Variants in KIAA2012 observed in about 807,000 individuals in gnomAD.
KIAA2012 encodes the protein uncharacterized protein KIAA2012.
Under a neutral mutation model 150.6 loss-of-function variants are expected in KIAA2012, and 125 were observed. That is an observed-to-expected ratio of 0.83 (90% CI 0.72 to 0.96). The LOEUF is 0.96. Among genes scored for constraint, KIAA2012 ranks in the 40% least tolerant of loss-of-function variants. The pLI is 0.00. For synonymous variants in KIAA2012, 462 were observed against 504.7 expected (o/e 0.92, Z 1.13); for missense variants, 1,219 against 1,354.9 (o/e 0.90, Z 1.57).
chr2:202,077,149 G>C (rs1689343960), intron 2 of KIAA2012: 2 of 429,912 alleles, frequency 4.7e-6, no homozygotes, highest in South Asian at 3.3e-5. Flanking sequence ...GTGTGGTGCT[G>C]GCTTCCTGAT....
At chr2:202,122,746 C>T (rs1173131724) in intron 11 of KIAA2012, among the ~76,000 whole-genome samples, 4 of 152,152 alleles carry the variant, frequency 2.6e-5, no homozygotes, top group Non-Finnish European at 5.9e-5. Context: ...TCAGGTGATC[C>T]ACCTGCCTCG....
rs1689950624 is a variant in KIAA2012 at position 202,098,416 on chromosome 2, C to T, written c.828+839C>T. On this transcript the variant is annotated intron_variant, in intron 5 of 23. Transcript: ENST00000498697. ...AAATACACTGGGGAAGTGCTGCACG[C>T]CTTCTCCTCCTGGAAAGTCACATGT... Among the ~76,000 whole-genome samples the T allele has an allele frequency of 2.0e-5, 3 of 152,232 alleles. No individual in the cohort carries two copies. In the South Asian group the frequency reaches 6.2e-4, roughly 32 times the overall value.
chr2:202,154,727 T>A lies in KIAA2012; in HGVS notation c.1963T>A (p.Cys655Ser), dbSNP rs763723403. The A allele has an allele frequency of 6.5e-6, 10 of 1,550,302 alleles. 1 individual carries two copies. The South Asian group carries it at 8.3e-5, about 13-fold the overall frequency. ...TCAGAAGACAGGAGAGCCTCAAAGT[T>A]GTATAAATAAAGCGCTGATATGTTC... is the stretch of plus-strand genomic sequence containing the variant. ...AAQKTGEPQS[C>S]INKALICSNR... Residue 655 changes from cysteine to serine, a missense_variant, in exon 14 of 24, where the codon TGT becomes AGT. By Grantham distance (112) the Cys-to-Ser change is moderately radical. Transcript: ENST00000498697.
chr2:202,110,349 A>G (rs768720304), intron 10 of KIAA2012, among the ~76,000 whole-genome samples: 3 of 152,242 alleles, frequency 2.0e-5, no homozygotes, highest in Non-Finnish European at 4.4e-5. Context: ...ATACAGAGCA[A>G]TAATGCAAGG....
In KIAA2012 at chr2:202,103,148, G is replaced by A. The variant is rs1575012816; in HGVS notation, c.1324+34G>A. The A allele has an allele frequency of 1.9e-6, 3 of 1,544,732 alleles. No individual in the cohort carries two copies. In the East Asian group the frequency reaches 7.3e-5, roughly 38 times the overall value. ...CGGGTGCATGGGCACTCCTGAGGGA[G>A]AGCCTGGGATGGGGGGTCCTGCCAC... On this transcript the variant is annotated intron_variant, in intron 8 of 23. Coordinates refer to ENST00000498697, the MANE Select transcript of KIAA2012 (RefSeq NM_001277372.4).
At chr2:202,075,320 C>G (rs978857655) in intron 2 of KIAA2012, 145 bp downstream of exon 2, 5 of 953,388 alleles carry the variant, frequency 5.2e-6, no homozygotes, top group Non-Finnish European at 7.6e-6. Context: ...ATGAGATTGA[C>G]TGTACTCTTA....
chr2:202,118,589 T>C (rs1299340891), intron 11 of KIAA2012, among the ~76,000 whole-genome samples: 4 of 120,912 alleles, frequency 3.3e-5, no homozygotes, highest in African/African-American at 5.2e-5. Flanking sequence ...TTAAAAATAT[T>C]TGGGCAGTTT....
intron 15 of KIAA2012, among the ~76,000 whole-genome samples, chr2:202,171,157 ACATT>A (rs1025327228): frequency 1.3e-5 from 2 of 150,948 alleles, no homozygotes; most frequent in African/African-American, 4.9e-5. Flanking sequence ...ATACACACAC[ACATT>A]CATACATAGA....
chr2:202,185,965 A>G (rs1434955761), intron 16 of KIAA2012, among the ~76,000 whole-genome samples: 1 of 152,240 alleles, frequency 6.6e-6, no homozygotes, highest in African/African-American at 2.4e-5. Context: ...CCGTGCTAGC[A>G]GAGCACAGTA....
intron 2 of KIAA2012, among the ~76,000 whole-genome samples, chr2:202,080,684 G>A (rs189527671): frequency 0.022 from 2,512 of 115,298 alleles, 38 homozygotes; most frequent in Middle Eastern, 0.062. Flanking sequence ...CAACAAGAGC[G>A]AAACTCCGTC....
intron 11 of KIAA2012, chr2:202,116,211 C>A (rs1172436302): frequency 6.6e-6 from 1 of 152,180 alleles, no homozygotes; most frequent in African/African-American, 2.4e-5. Context: ...GGCATCAAGT[C>A]CCATGTAAAT....
At chr2:202,101,640 T>C (rs1690047341) in intron 7 of KIAA2012, among the ~76,000 whole-genome samples, 1 of 152,182 alleles carries the variant, frequency 6.6e-6, no homozygotes, top group South Asian at 2.1e-4. Flanking sequence ...CTCACACAAA[T>C]CATTTGAGTT....
chr2:202,169,635 GT>G (rs1691845225), intron 15 of KIAA2012, among the ~76,000 whole-genome samples: 1 of 152,098 alleles, frequency 6.6e-6, no homozygotes, highest in African/African-American at 2.4e-5. Context: ...AGAGATTTTT[GT>G]AAGAACCACC....
intron 6 of KIAA2012, 48 bp downstream of exon 6, chr2:202,099,844 G>A (rs1689997518): frequency 5.4e-6 from 8 of 1,469,608 alleles, no homozygotes; most frequent in Middle Eastern, 1.8e-4. Context: ...AGCCAGTCAT[G>A]CAGAGTTCAT....
chr2:202,198,174 CA>C lies in KIAA2012; in HGVS notation c.3407+1178del, dbSNP rs1009971980. The stretch of plus-strand genomic sequence containing the variant: ...GGGCGACAAGAGCAAGGCTCTTTCT[CA>C]AAAAAAAAAAAAAAAAAAAAAAGGA... On this transcript the variant is annotated intron_variant, in intron 22 of 23. Transcript: ENST00000498697. Among the ~76,000 whole-genome samples, 430 of 67,102 alleles carry C rather than the reference CA, an allele frequency of 6.4e-3. 2 individuals carry two copies. Among genetic ancestry groups the C allele is most frequent in the African/African-American group, 0.018 (295 of 16,786 alleles). The allele number at this position is 67,102 out of a possible 152,430, so 44.0% of individuals were successfully genotyped here.
At chr2:202,134,549 G>GTTTC (rs1388932648) in intron 12 of KIAA2012, among the ~76,000 whole-genome samples, 1 of 152,272 alleles carries the variant, frequency 6.6e-6, no homozygotes, top group South Asian at 2.1e-4. Context: ...ATATGACTAT[G>GTTTC]TTTCTTTCTT....
chr2:202,093,209 T>C (rs1689776696), intron 4 of KIAA2012, 24 bp downstream of exon 4: 4 of 1,548,286 alleles, frequency 2.6e-6, no homozygotes, highest in Non-Finnish European at 3.5e-6. Flanking sequence ...TACATGTTGA[T>C]TTTATGACCA....
At chr2:202,078,875 CCTCT>C (rs1689382662) in intron 2 of KIAA2012, among the ~76,000 whole-genome samples, 1 of 152,104 alleles carries the variant, frequency 6.6e-6, no homozygotes, top group South Asian at 2.1e-4. Context: ...GAAAACATCA[CCTCT>C]CTAATATAAA....
chr2:202,087,878 C>T (rs1333047307), intron 2 of KIAA2012, among the ~76,000 whole-genome samples: 3 of 152,004 alleles, frequency 2.0e-5, no homozygotes, highest in African/African-American at 7.3e-5. Context: ...AGAGCTAGGT[C>T]CCTTGGCCAT....
Sources: gnomAD v4.1 joint callset for allele counts (sites outside exome capture counted in the v4.1 genomes callset) on GRCh38, gnomAD v4.1.1 for gene constraint, MANE v1.5 for transcripts, NCBI Gene and HGNC (gene_info 2026-07-23, HGNC 2026-07-21) for gene names.